Variants in DNM3 observed in about 807,000 individuals in gnomAD.
The protein encoded by DNM3 is dynamin 3.
Under a neutral mutation model 101.6 loss-of-function variants are expected in DNM3, and 47 were observed. The observed-to-expected ratio is 0.46, with a 90% CI of 0.37 to 0.59. DNM3 has a LOEUF of 0.59. Ranked by LOEUF, DNM3 falls within the 20% of genes least tolerant of loss-of-function variation. The pLI is 0.00. For missense variants in DNM3, 849 were observed against 1,085.7 expected, an observed-to-expected ratio of 0.78 and a Z score of 3.06; for synonymous variants, 385 against 387.9, an observed-to-expected ratio of 0.99 and a Z score of 0.09.
Position 172,376,422 on chromosome 1 carries a change from A to T in DNM3, c.1894-2596A>T, listed in dbSNP as rs149161471. On this transcript the variant is annotated intron_variant, in intron 17 of 20. Coordinates refer to ENST00000627582, the MANE Select transcript of DNM3 (RefSeq NM_015569.5). ...CAGTGCTTCAACTGCAAAGAACCTTATTGCAATCCTATAATTTAAACAAAG... is the reference window on the plus strand; with the variant it reads ...CAGTGCTTCAACTGCAAAGAACCTTTTTGCAATCCTATAATTTAAACAAAG... 4.6e-5 allele frequency: 7 copies of T among 152,214 alleles called. 1 individual carries two copies. Among genetic ancestry groups the T allele is most frequent in the African/African-American group, 1.4e-4 (6 of 41,564 alleles). The allele number at this position is 152,214 out of a possible 1,614,324, so 9.4% of individuals were successfully genotyped here.
At chr1:172,317,481 T>A (rs1312982575) in intron 16 of DNM3, among the ~76,000 whole-genome samples, 1 of 152,022 alleles carries the variant, frequency 6.6e-6, no homozygotes, top group South Asian at 2.1e-4. Flanking sequence ...ACAAAATTGA[T>A]AGACCACTAG....
At chr1:172,247,925 C>A (rs1011928412) in intron 14 of DNM3, among the ~76,000 whole-genome samples, 1 of 152,050 alleles carries the variant, frequency 6.6e-6, no homozygotes, top group Non-Finnish European at 1.5e-5. Flanking sequence ...CTCAGGTGAT[C>A]CACCCACCTC....
At position 172,101,867 on chromosome 1, in the gene DNM3, AT is replaced by A. The variant is rs200937743; in HGVS notation, c.1545+9003del. ...ATTAATTTGCTTTTTTTATTACTTA[AT>A]TTTTTTTTTTGAGACAGTTTTTCTC... On this transcript the variant is annotated intron_variant, in intron 13 of 20. Coordinates refer to ENST00000627582, the MANE Select transcript of DNM3 (RefSeq NM_015569.5). 2.5e-3 allele frequency among the ~76,000 whole-genome samples: 376 copies of A among 148,340 alleles called. 1 individual carries two copies. Among genetic ancestry groups the A allele is most frequent in the South Asian group, 4.9e-3 (23 of 4,688 alleles).
chr1:172,111,491 C>T (rs1335726528), intron 13 of DNM3, among the ~76,000 whole-genome samples: 2 of 152,180 alleles, frequency 1.3e-5, no homozygotes, highest in Non-Finnish European at 2.9e-5. Context: ...TTTACAAAAT[C>T]TATTTGAATT....
intron 15 of DNM3, among the ~76,000 whole-genome samples, chr1:172,285,882 G>C (rs559484506): frequency 6.6e-6 from 1 of 152,102 alleles, no homozygotes; most frequent in East Asian, 1.9e-4. Flanking sequence ...CAGGCTCTTA[G>C]AGCTCGCATC....
At chr1:172,300,040 C>T (rs151249751) in intron 15 of DNM3, among the ~76,000 whole-genome samples, 61 of 152,272 alleles carry the variant, frequency 4.0e-4, no homozygotes, top group African/African-American at 1.4e-3. Context: ...TCAGCCTCAC[C>T]AACATCTGTT....
In DNM3 at chr1:172,268,161, T is replaced by A. The variant is rs1008287027; in HGVS notation, c.1769+14479T>A. ...ACTTGAGGACTCTTACAGTTATTGA[T>A]TGTGACTGCACAAGATGAGGGTAAT... On this transcript the variant is annotated intron_variant, in intron 15 of 20. Coordinates refer to ENST00000627582, the MANE Select transcript of DNM3 (RefSeq NM_015569.5). Among the ~76,000 whole-genome samples, 4 of 152,156 alleles carry A rather than the reference T, an allele frequency of 2.6e-5. No homozygotes were observed. In the South Asian group the frequency reaches 8.3e-4, roughly 32 times the overall value.
At chr1:172,318,792 C>T (rs1374740328) in intron 16 of DNM3, among the ~76,000 whole-genome samples, 7 of 152,152 alleles carry the variant, frequency 4.6e-5, no homozygotes, top group Non-Finnish European at 4.4e-5. Flanking sequence ...GAATCAATAT[C>T]ATGAAAATGG....
At chr1:172,306,454 C>G (rs1231194995) in intron 15 of DNM3, among the ~76,000 whole-genome samples, 2 of 152,104 alleles carry the variant, frequency 1.3e-5, no homozygotes, top group Non-Finnish European at 2.9e-5. Context: ...CCATACTGCC[C>G]AAGGTAATTT....
chr1:172,060,015 A>AAAATCG, intron 10 of DNM3, among the ~76,000 whole-genome samples: 1 of 151,704 alleles, frequency 6.6e-6, no homozygotes, highest in Non-Finnish European at 1.5e-5. Flanking sequence ...ATACAAAATC[A>AAAATCG]ATGTACAGAA....
chr1:172,358,250 G>A (rs1454533350), intron 17 of DNM3, among the ~76,000 whole-genome samples: 1 of 152,096 alleles, frequency 6.6e-6, no homozygotes, highest in African/African-American at 2.4e-5. Context: ...ATGTGCGCGT[G>A]TGTATATGTG....
At chr1:172,136,564 G>A (rs2057240767) in intron 14 of DNM3, 1 of 152,026 alleles carries the variant, frequency 6.6e-6, no homozygotes, top group Non-Finnish European at 1.5e-5. Flanking sequence ...AATTCTGCAT[G>A]ATCACAGTTG....
chr1:172,283,411 C>T (rs945008186), intron 15 of DNM3, among the ~76,000 whole-genome samples: 8 of 151,282 alleles, frequency 5.3e-5, no homozygotes, highest in African/African-American at 1.7e-4. Context: ...GCTAATTTCT[C>T]CATTGCCATT....
chr1:172,192,560 T>C lies in DNM3; in HGVS notation c.1660-61013T>C, dbSNP rs1281954710. Among the ~76,000 whole-genome samples, 4 of 126,808 alleles carry C rather than the reference T, an allele frequency of 3.2e-5. 1 individual carries two copies. The East Asian group carries it at 9.5e-4, about 30-fold the overall frequency. 83.2% of individuals were successfully genotyped at this position (126,808 alleles called of 152,430 possible). A position where few individuals can be genotyped will look rare whatever the true frequency, so the allele number is the denominator to read the frequency against. On this transcript the variant is annotated intron_variant, in intron 14 of 20. Transcript: ENST00000627582. ...CCCCACAACAGTCCCCAGAGTGTGA[T>C]GTTCCCCTTCCTGTGTCCATGTGTT...
chr1:172,001,090 T>A (rs984254910), intron 4 of DNM3, among the ~76,000 whole-genome samples: 1 of 152,050 alleles, frequency 6.6e-6, no homozygotes, highest in African/African-American at 2.4e-5. Context: ...GTGAGAGTCC[T>A]GGCCATAGAT....
At chr1:172,339,746 T>A (rs2066606371) in intron 17 of DNM3, among the ~76,000 whole-genome samples, 1 of 152,178 alleles carries the variant, frequency 6.6e-6, no homozygotes, top group Non-Finnish European at 1.5e-5. Flanking sequence ...TTCTCTCACC[T>A]CACATCAGTT....
At chr1:172,024,711 C>T (rs1440847864) in intron 4 of DNM3, among the ~76,000 whole-genome samples, 3 of 151,798 alleles carry the variant, frequency 2.0e-5, no homozygotes, top group South Asian at 2.1e-4. Flanking sequence ...TGGGAAACTC[C>T]CTGCCCTAGC....
In DNM3 at chr1:172,410,681, C is replaced by G. The variant is rs1297204386; in HGVS notation, c.*2840C>G. The G allele has an allele frequency of 2.0e-6, 2 of 985,272 alleles. No individual in the cohort carries two copies. The highest frequency in any genetic ancestry group is 2.4e-6 in the Non-Finnish European group (2 of 829,818). The allele number at this position is 985,272 out of a possible 1,614,324, so 61.0% of individuals were successfully genotyped here. ...TTTTAGCCGTGTTTTATAACATAGA[C>G]GAGCAGTAGGGTCTGTTTATTAGCA... On this transcript the variant is annotated 3_prime_UTR_variant, in exon 21 of 21. Coordinates refer to ENST00000627582, the MANE Select transcript of DNM3 (RefSeq NM_015569.5).
chr1:172,350,415 AT>A (rs1231416221), intron 17 of DNM3, among the ~76,000 whole-genome samples: 6 of 151,512 alleles, frequency 4.0e-5, no homozygotes, highest in East Asian at 1.9e-4. Context: ...AGAGAGCTGG[AT>A]TTTTTTTGCA....
Sources: allele counts gnomAD v4.1 joint callset (sites outside exome capture counted in the v4.1 genomes callset), GRCh38; gene constraint gnomAD v4.1.1; transcripts MANE v1.5; gene names NCBI Gene and HGNC (gene_info 2026-07-23, HGNC 2026-07-21).